Variants in DTX4 observed in about 807,000 individuals in gnomAD.
The protein encoded by DTX4 is E3 ubiquitin-protein ligase DTX4.
In DTX4, 28 loss-of-function variants were observed where a neutral mutation model predicts 57.6. The observed-to-expected ratio is 0.49, with a 90% CI of 0.36 to 0.67. DTX4 has a LOEUF of 0.67. DTX4 is among the 30% of genes least tolerant of loss of function. The probability of loss-of-function intolerance (pLI) is 0.00; values close to 1 mark genes in which losing one functional copy is unlikely to be tolerated. For missense variants in DTX4, 715 were observed against 836.8 expected (o/e 0.85, Z 1.80); for synonymous variants, 316 against 331.0 (o/e 0.95, Z 0.49).
In DTX4 at chr11:59,189,306, A is replaced by C; in HGVS notation, c.1142A>C (p.Lys381Thr). ...TCCAACACAAGCCGCAAGACCACCA[A>C]AAAACAAGCCAAGAAAGGTACCAGC... ...GVSNTSRKTT[K>T]KQAKKGKTPE... The change falls in exon 4 of 9, where the codon AAA (lysine) becomes ACA (threonine). Residue 381 changes from lysine (K) to threonine (T), a missense_variant. By Grantham distance (78) the Lys-to-Thr change is moderately conservative. Transcript: ENST00000227451. 1 of 1,557,200 alleles carries C rather than the reference A, an allele frequency of 6.4e-7. No individual in the cohort carries two copies.
At position 59,178,235 on chromosome 11, in the gene DTX4, G is replaced by T. The variant is rs72919146; in HGVS notation, c.212-3504G>T. ...GAAGGCCAGTGTAGCTGAAATGTGG[G>T]CAGTTAGGCTATGAGGGGGCCATGT... On this transcript the variant is annotated intron_variant, in intron 1 of 8. Coordinates refer to ENST00000227451, the MANE Select transcript of DTX4 (RefSeq NM_015177.2). Among the ~76,000 whole-genome samples, 1,272 of 152,174 alleles carry T rather than the reference G, an allele frequency of 8.4e-3. 6 individuals carry two copies. Among genetic ancestry groups the T allele is most frequent in the Middle Eastern group, 0.014 (4 of 294 alleles).
At chr11:59,173,877 C>T (rs1482552216) in intron 1 of DTX4, among the ~76,000 whole-genome samples, 1 of 152,104 alleles carries the variant, frequency 6.6e-6, no homozygotes, top group Non-Finnish European at 1.5e-5. Context: ...CTGCCTCCGT[C>T]AGTGACAGGT....
intron 1 of DTX4, among the ~76,000 whole-genome samples, chr11:59,173,921 C>T (rs562141235): frequency 2.0e-5 from 3 of 152,220 alleles, no homozygotes; most frequent in South Asian, 2.1e-4. Context: ...AATTCTGGCT[C>T]GGCTTTCCCA....
At chr11:59,187,018 C>T (rs1397850799) in intron 2 of DTX4, among the ~76,000 whole-genome samples, 1 of 152,198 alleles carries the variant, frequency 6.6e-6, no homozygotes, top group Non-Finnish European at 1.5e-5. Context: ...GGACAGAGCC[C>T]CAGGCAGGCT....
intron 2 of DTX4, among the ~76,000 whole-genome samples, chr11:59,184,931 C>G (rs1862509657): frequency 6.6e-6 from 1 of 152,160 alleles, no homozygotes; most frequent in Non-Finnish European, 1.5e-5. Flanking sequence ...TGTTTATTCC[C>G]TTTGTCTGGC....
At chr11:59,179,225 G>T (rs1484506951) in intron 1 of DTX4, among the ~76,000 whole-genome samples, 2 of 152,128 alleles carry the variant, frequency 1.3e-5, no homozygotes, top group African/African-American at 4.8e-5. Flanking sequence ...GAGGTGCTTT[G>T]TAAGTAATAA....
In DTX4 at chr11:59,192,197, G is replaced by C. The variant is rs546051013; in HGVS notation, c.1321G>C (p.Gly441Arg). The C allele has an allele frequency of 3.1e-6, 5 of 1,613,788 alleles. No homozygotes were observed. The highest frequency in any genetic ancestry group is 4.2e-6 in the Non-Finnish European group (5 of 1,179,894). ...CCTGGTAGGGAAGCTGTCCAGATGC[G>C]GCCACGTCTACCACATCTACTGCTT... ...PDLVGKLSRC[G>R]HVYHIYCLVA... The change falls in exon 6 of 9, where the codon GGC (glycine) becomes CGC (arginine). Residue 441 changes from glycine (G) to arginine (R), a missense_variant. Gly to Arg is a moderately radical substitution (Grantham distance 125). Coordinates refer to ENST00000227451, the MANE Select transcript of DTX4 (RefSeq NM_015177.2).
At chr11:59,193,322 G>A (rs775272319) in intron 6 of DTX4, among the ~76,000 whole-genome samples, 12 of 152,016 alleles carry the variant, frequency 7.9e-5, no homozygotes, top group Non-Finnish European at 1.3e-4. Flanking sequence ...AATTGATATC[G>A]CCTTTGTATT....
At position 59,172,488 on chromosome 11, in the gene DTX4, A is replaced by AG; in HGVS notation, c.-103dup. The AG allele has an allele frequency of 2.0e-6, 1 of 511,106 alleles. No homozygotes were observed. Among genetic ancestry groups the AG allele is most frequent in the Non-Finnish European group, 2.7e-6 (1 of 367,664 alleles). 31.7% of individuals were successfully genotyped at this position (511,106 alleles called of 1,614,324 possible). A position where few individuals can be genotyped will look rare whatever the true frequency, so the allele number is the denominator to read the frequency against. On this transcript the variant is annotated 5_prime_UTR_variant, in exon 1 of 9. Transcript: ENST00000227451. ...TGCCCGGGGCGGCGGGGCGCGGGGC[A>AG]GGGGGCGCGGTCGAGGCCCGGAGGC...
chr11:59,173,508 G>A (rs1345650884), intron 1 of DTX4, among the ~76,000 whole-genome samples: 1 of 152,234 alleles, frequency 6.6e-6, no homozygotes, highest in Non-Finnish European at 1.5e-5. Context: ...GATGGAGAGA[G>A]GAGGGGGAGG....
intron 2 of DTX4, among the ~76,000 whole-genome samples, chr11:59,184,772 C>CT (rs937731162): frequency 2.6e-5 from 4 of 152,086 alleles, no homozygotes; most frequent in African/African-American, 4.8e-5. Flanking sequence ...AAGTTGTTTT[C>CT]TTTTTTTTCT....
At chr11:59,191,518 G>A (rs916108402) in intron 5 of DTX4, among the ~76,000 whole-genome samples, 2 of 152,220 alleles carry the variant, frequency 1.3e-5, no homozygotes, top group African/African-American at 4.8e-5. Flanking sequence ...TTTGGCCCCT[G>A]AGGGAACATT....
chr11:59,185,901 G>A (rs987592520), intron 2 of DTX4, among the ~76,000 whole-genome samples: 2 of 152,130 alleles, frequency 1.3e-5, no homozygotes, highest in African/African-American at 2.4e-5. Flanking sequence ...CAGACATTTA[G>A]GATGCCCTGT....
At chr11:59,192,334 G>GCT in intron 6 of DTX4, 84 bp downstream of exon 6, 1 of 1,518,436 alleles carries the variant, frequency 6.6e-7, no homozygotes, top group African/African-American at 1.4e-5. Context: ...TAGGGCCCTT[G>GCT]CTCAAGTGAT....
chr11:59,191,525 C>A (rs948902259), intron 5 of DTX4, among the ~76,000 whole-genome samples: 1 of 152,222 alleles, frequency 6.6e-6, no homozygotes, highest in Non-Finnish European at 1.5e-5. Flanking sequence ...CCTGAGGGAA[C>A]ATTTGGCCAT....
Position 59,204,760 on chromosome 11 carries a change from G to A in DTX4, c.1711G>A (p.Val571Ile), listed in dbSNP as rs376862310. 49 of 1,613,540 alleles carry A rather than the reference G, an allele frequency of 3.0e-5. No individual in the cohort carries two copies. The highest frequency in any genetic ancestry group is 4.4e-5 in the South Asian group (4 of 90,954). ...TSSTTGESDT[V>I]IWNEVHHKTE... ...CAGCACCACAGGCGAGTCAGACACC[G>A]TCATCTGGAATGAGGTCCACCACAA... The change falls in exon 9 of 9, where the codon GTC (valine) becomes ATC (isoleucine). Residue 571 changes from valine to isoleucine, a missense_variant. Physicochemically the swap from Val to Ile is conservative, Grantham distance 29 (BLOSUM62 3). Transcript: ENST00000227451.
Position 59,205,610 on chromosome 11 carries a change from A to G in DTX4, c.*701A>G, listed in dbSNP as rs1862796382. On this transcript the variant is annotated 3_prime_UTR_variant, in exon 9 of 9. Transcript: ENST00000227451. ...CTGGTTCTCTCATGTGGATGGATGGACTCTGGGGTTCCTCTTTGGAGTGGC... is the reference window on the plus strand; with the variant it reads ...CTGGTTCTCTCATGTGGATGGATGGGCTCTGGGGTTCCTCTTTGGAGTGGC... 1 of 152,794 alleles carries G rather than the reference A, an allele frequency of 6.5e-6. No homozygotes were observed. Among genetic ancestry groups the G allele is most frequent in the African/African-American group, 2.4e-5 (1 of 41,382 alleles). The allele number at this position is 152,794 out of a possible 1,614,324, so 9.5% of individuals were successfully genotyped here.
intron 1 of DTX4, among the ~76,000 whole-genome samples, chr11:59,174,238 C>T (rs1242806599): frequency 1.3e-5 from 2 of 151,922 alleles, no homozygotes; most frequent in East Asian, 3.9e-4. Context: ...GGGCTTCAAC[C>T]GTGTGTGGAG....
chr11:59,201,833 G>A (rs529639108), intron 8 of DTX4, among the ~76,000 whole-genome samples: 51 of 152,320 alleles, frequency 3.3e-4, no homozygotes, highest in African/African-American at 1.2e-3. Context: ...GAATCCTGTT[G>A]CCAAGAGCTG....
Sources: allele counts gnomAD v4.1 joint callset (sites outside exome capture counted in the v4.1 genomes callset), GRCh38; gene constraint gnomAD v4.1.1; transcripts MANE v1.5; gene names NCBI Gene and HGNC (gene_info 2026-07-23, HGNC 2026-07-21).